The following TEX15 variants were observed in gnomAD, a reference collection of about 807,000 sequenced individuals.
TEX15 encodes the protein testis-expressed protein 15.
A neutral mutation model predicts 237.3 loss-of-function variants in TEX15; 171 were observed. That is an observed-to-expected ratio of 0.72 (90% CI 0.64 to 0.82). The LOEUF is 0.82. TEX15 is among the 40% of genes least tolerant of loss of function. The probability of loss-of-function intolerance (pLI) is 0.00; values close to 1 mark genes in which losing one functional copy is unlikely to be tolerated. For missense variants in TEX15, 3,750 were observed against 3,646.5 expected (o/e 1.03, Z -0.73); for synonymous variants, 1,338 against 1,269.8 (o/e 1.05, Z -1.14).
chr8:30,868,865 CTTTT>C (rs78255315), intron 4 of TEX15, among the ~76,000 whole-genome samples: 1 of 134,740 alleles, frequency 7.4e-6, no homozygotes, highest in Admixed American at 7.4e-5. Context: ...GGGCTAAATT[CTTTT>C]TTTTTTTTTT....
chr8:30,910,857 T>C (rs1370137481), intron 1 of TEX15, among the ~76,000 whole-genome samples: 1 of 152,114 alleles, frequency 6.6e-6, no homozygotes, highest in African/African-American at 2.4e-5. Context: ...TAAAATATCT[T>C]TGCAATAAGG....
intron 3 of TEX15, among the ~76,000 whole-genome samples, chr8:30,881,821 C>G (rs779908389): frequency 2.0e-5 from 3 of 151,962 alleles, no homozygotes; most frequent in Non-Finnish European, 4.4e-5. Context: ...AGGGGTTTCA[C>G]TGTGTTGCCC....
At chr8:30,866,785 C>T (rs1437139590) in intron 5 of TEX15, among the ~76,000 whole-genome samples, 2 of 151,650 alleles carry the variant, frequency 1.3e-5, no homozygotes, top group African/African-American at 4.8e-5. Context: ...TACCCTGTGC[C>T]CAGCTTTTCT....
Position 30,833,214 on chromosome 8 carries a change from T to TTAAAAAATATATAAG in TEX15, c.*57_*71dup. On this transcript the variant is annotated 3_prime_UTR_variant, in exon 11 of 11. Coordinates refer to ENST00000643185, the MANE Select transcript of TEX15 (RefSeq NM_001350162.2). ...TACAAACATTAAAAATCGCTAAATG[T>TTAAAAAATATATAAG]TAAAAAATATATAAGTAAAAAATAT... 2 of 1,049,012 alleles carry TTAAAAAATATATAAG rather than the reference T, an allele frequency of 1.9e-6. No homozygotes were observed. The highest frequency in any genetic ancestry group is 2.8e-6 in the Non-Finnish European group (2 of 722,374). The allele number at this position is 1,049,012 out of a possible 1,614,324, so 65.0% of individuals were successfully genotyped here. A position where few individuals can be genotyped will look rare whatever the true frequency, so the allele number is the denominator to read the frequency against.
chr8:30,847,434 T>C lies in TEX15; in HGVS notation c.2733A>G (p.Glu911=). Residue 911 remains glutamate, a synonymous_variant, in exon 8 of 11, where the codon GAA becomes GAG. Transcript: ENST00000643185. ...TAGAAAATTCTTCAGAACTCAAAAT[T>C]TCTATATTGTGGTAATTTTTGTCCT... ...EKEDKNYHNI[E]ILSSEEFSTK... 6.2e-7 allele frequency: 1 copy of C among 1,611,426 alleles called. No homozygotes were observed. Among genetic ancestry groups the C allele is most frequent in the East Asian group, 2.2e-5 (1 of 44,852 alleles).
Position 30,845,787 on chromosome 8 carries a change from A to G in TEX15, c.4380T>C (p.Ala1460=), listed in dbSNP as rs966779302. 2.5e-6 allele frequency: 4 copies of G among 1,610,706 alleles called. No individual in the cohort carries two copies. Among genetic ancestry groups the G allele is most frequent in the East Asian group, 2.2e-5 (1 of 44,862 alleles). ...ATGATTTAGAAATATCAGCTTTTGG[A>G]GCTCTTTTCTTTCTCCGTTTGTCAT... ...RKYDKRRKKR[A]PKADISKSLT... is the part of the protein sequence containing the mutation. The change falls in exon 8 of 11, where the codon GCT becomes GCC. Residue 1460 remains alanine (A), a synonymous_variant. Transcript: ENST00000643185.
At chr8:30,872,393 T>C (rs1423248677) in intron 4 of TEX15, among the ~76,000 whole-genome samples, 3 of 152,194 alleles carry the variant, frequency 2.0e-5, no homozygotes, top group African/African-American at 4.8e-5. Flanking sequence ...GCCAGTCATA[T>C]AAAAGTATAG....
chr8:30,849,758 G>C (rs2128768628), intron 7 of TEX15, among the ~76,000 whole-genome samples: 1 of 152,030 alleles, frequency 6.6e-6, no homozygotes, highest in Non-Finnish European at 1.5e-5. Context: ...AATTAGCCAG[G>C]TGTGGTGGTG....
In TEX15 at chr8:30,844,842, A is replaced by T; in HGVS notation, c.5325T>A (p.Gly1775=). 6.2e-7 allele frequency: 1 copy of T among 1,613,516 alleles called. No individual in the cohort carries two copies. Among genetic ancestry groups the T allele is most frequent in the Non-Finnish European group, 8.5e-7 (1 of 1,179,588 alleles). The change falls in exon 8 of 11, where the codon GGT becomes GGA. Residue 1775 remains glycine (G), a synonymous_variant. Transcript: ENST00000643185. ...ELLKTEQCSS[G]NCLHTDGNET... Reference sequence around the variant, plus strand: ...CATTCCCATCTGTATGGAGGCAATTACCTGAAGAGCACTGTTCTGTCTTTA... The same window carrying T: ...CATTCCCATCTGTATGGAGGCAATTTCCTGAAGAGCACTGTTCTGTCTTTA...
At position 30,842,613 on chromosome 8, in the gene TEX15, A is replaced by G; in HGVS notation, c.7554T>C (p.Leu2518=). 6.2e-7 allele frequency: 1 copy of G among 1,611,406 alleles called. No homozygotes were observed. The highest frequency in any genetic ancestry group is 8.5e-7 in the Non-Finnish European group (1 of 1,179,790). The part of the protein sequence containing the change: ...WKVIETAVSE[L]KKDLDIICKY... ...TGCAGATAATATCCAGATCTTTCTT[A>G]AGTTCGGAAACAGCAGTCTCTATCA... The change falls in exon 8 of 11, where the codon CTT becomes CTC. Residue 2518 remains leucine, a synonymous_variant. Transcript: ENST00000643185.
In TEX15 at chr8:30,847,826, T is replaced by G. The variant is rs141499635; in HGVS notation, c.2341A>C (p.Thr781Pro). 54 of 1,613,942 alleles carry G rather than the reference T, an allele frequency of 3.3e-5. No homozygotes were observed. In the African/African-American group the frequency reaches 6.5e-4, roughly 20 times the overall value. ...TCTATGTTATAAGATGAAATAACTG[T>G]ATCAATGAACATTTCTTTGGCCTGG... ...IPQAKEMFID[T>P]VISSYNIETA... The change falls in exon 8 of 11, where the codon ACA (threonine) becomes CCA (proline). Residue 781 changes from threonine to proline, a missense_variant. Transcript: ENST00000643185.
chr8:30,895,675 G>GTTTTTTT (rs1563276129), intron 2 of TEX15, among the ~76,000 whole-genome samples: 3 of 76,966 alleles, frequency 3.9e-5, no homozygotes, highest in African/African-American at 3.1e-4. Context: ...TTAAACACAT[G>GTTTTTTT]CTTTTTTTTT....
rs776709287 is a variant in TEX15, at chr8:30,845,104, A to C, written c.5063T>G (p.Ile1688Ser). ...AATAATGTTTTGTTTGGGTCTCTCA[A>C]TAGGATCTGTCCACTTTACTTCCAG... ...RNLEVKWTDP[I>S]ERPKQNIITG... Residue 1688 changes from isoleucine to serine, a missense_variant, in exon 8 of 11, where the codon ATT becomes AGT. Ile to Ser is a moderately radical substitution (Grantham distance 142). Coordinates refer to ENST00000643185, the MANE Select transcript of TEX15 (RefSeq NM_001350162.2). 11 of 1,613,416 alleles carry C rather than the reference A, an allele frequency of 6.8e-6. No individual in the cohort carries two copies. The highest frequency in any genetic ancestry group is 1.3e-5 in the African/African-American group (1 of 74,894).
chr8:30,848,254 G>GTT lies in TEX15; in HGVS notation c.1911_1912dup (p.Thr638LysfsTer20). ...ATCATTATCAATTTCTTTCCATGAA[G>GTT]TTTGCTTTTCTTCATGTTTGGAACT... On this transcript the variant is annotated frameshift_variant, in exon 8 of 11. Transcript: ENST00000643185. LOFTEE classifies it high-confidence loss of function. 1 of 1,611,952 alleles carries GTT rather than the reference G, an allele frequency of 6.2e-7. No homozygotes were observed. Among genetic ancestry groups the GTT allele is most frequent in the Non-Finnish European group, 8.5e-7 (1 of 1,179,638 alleles).
At chr8:30,861,016 T>G (rs1047705448) in intron 5 of TEX15, among the ~76,000 whole-genome samples, 1 of 151,386 alleles carries the variant, frequency 6.6e-6, no homozygotes, top group Non-Finnish European at 1.5e-5. Context: ...AAAAGGATGG[T>G]ACTACCACAA....
At chr8:30,878,566 T>C (rs893182891) in intron 3 of TEX15, among the ~76,000 whole-genome samples, 1 of 152,088 alleles carries the variant, frequency 6.6e-6, no homozygotes. Context: ...CTATTTTTTT[T>C]AGTCAAGATG....
Position 30,837,092 on chromosome 8 carries a change from T to A in TEX15, c.9192A>T (p.Ile3064=), listed in dbSNP as rs777040651. ...GAGATGGCTGTACTTCATATGATGT[T>A]ATCCCTTGGTATGTCTGGGTAATGG... ...GNAITQTYQG[I]TSYEVQPSPS... is the part of the protein sequence containing the mutation. Residue 3064 remains isoleucine (I), a synonymous_variant, in exon 10 of 11, where the codon ATA becomes ATT. Coordinates refer to ENST00000643185, the MANE Select transcript of TEX15 (RefSeq NM_001350162.2). The A allele has an allele frequency of 6.2e-7, 1 of 1,614,058 alleles. No individual in the cohort carries two copies. The highest frequency in any genetic ancestry group is 1.7e-5 in the Admixed American group (1 of 59,990).
At chr8:30,889,320 T>C (rs1808733616) in intron 2 of TEX15, among the ~76,000 whole-genome samples, 2 of 152,040 alleles carry the variant, frequency 1.3e-5, no homozygotes, top group East Asian at 1.9e-4. Context: ...GGTGTGGTGG[T>C]GTGTGCCTGT....
chr8:30,860,799 C>T (rs1200540623), intron 5 of TEX15, among the ~76,000 whole-genome samples: 1 of 152,010 alleles, frequency 6.6e-6, no homozygotes, highest in Non-Finnish European at 1.5e-5. Context: ...ATCTGCCCAC[C>T]TCGGCTTCCG....
Sources: allele counts gnomAD v4.1 joint callset (sites outside exome capture counted in the v4.1 genomes callset), GRCh38; gene constraint gnomAD v4.1.1; transcripts MANE v1.5; gene names NCBI Gene and HGNC (gene_info 2026-07-23, HGNC 2026-07-21).